Variants in SNX18 observed in about 807,000 individuals in gnomAD.
The protein encoded by SNX18 is sorting nexin-18.
SNX18 carries 35 observed loss-of-function variants against 48.7 expected under a neutral mutation model. The observed-to-expected ratio is 0.72, with a 90% CI of 0.55 to 0.95. The LOEUF (loss-of-function observed/expected upper bound fraction) is 0.95. SNX18 is among the 40% of genes least tolerant of loss of function. The pLI is 0.00. For missense variants in SNX18, 824 were observed against 871.0 expected (o/e 0.95, Z 0.68); for synonymous variants, 492 against 384.7 (o/e 1.28, Z -3.26).
At chr5:54,639,007 G>C in the SNX18 span, among the ~76,000 whole-genome samples, 1 of 152,170 alleles carries the variant, frequency 6.6e-6, no homozygotes, top group South Asian at 2.1e-4. Context: ...CATTCTATAG[G>C]CCTCACTTTA....
chr5:54,568,833 CTT>C, the SNX18 span, among the ~76,000 whole-genome samples: 39 of 69,532 alleles, frequency 5.6e-4, no homozygotes, highest in African/African-American at 2.2e-3. Context: ...TTCAGTGGTA[CTT>C]TTTTTTTTTT....
rs2112829863 is a variant in SNX18 at position 54,518,007 on chromosome 5, A to G, written c.55A>G (p.Ile19Val). ...CTTCAGGTCGGAGAACCCAGGAGAG[A>G]TCTCGCTGCGAGAGCACGAGGTGCT... ...YDFRSENPGEISLREHEVLSL... is the reference protein window; with the variant it reads ...YDFRSENPGEVSLREHEVLSL... Residue 19 changes from isoleucine (I) to valine (V), a missense_variant, in exon 1 of 2, where the codon ATC becomes GTC. Ile to Val is a conservative substitution (Grantham distance 29). Coordinates refer to ENST00000381410, the MANE Select transcript of SNX18 (RefSeq NM_001102575.2). 1 of 1,546,946 alleles carries G rather than the reference A, an allele frequency of 6.5e-7. No individual in the cohort carries two copies. The highest frequency in any genetic ancestry group is 8.7e-7 in the Non-Finnish European group (1 of 1,148,958).
At position 54,519,395 on chromosome 5, in the gene SNX18, C is replaced by T. The variant is rs1262068817; in HGVS notation, c.1443C>T (p.Asp481=). The T allele has an allele frequency of 5.0e-6, 8 of 1,613,716 alleles. No individual in the cohort carries two copies. Among genetic ancestry groups the T allele is most frequent in the Non-Finnish European group, 5.9e-6 (7 of 1,179,878 alleles). Residue 481 remains aspartate (D), a synonymous_variant, in exon 1 of 2, where the codon GAC becomes GAT. Transcript: ENST00000381410. ...GCCTCAGCCAGGCCTTTGAGCTGGA[C>T]CAGCAGGCCTTCTCGGTGGGCCTGA... ...FRGLSQAFEL[D]QQAFSVGLNQ...
chr5:54,644,017 G>A, the SNX18 span: 1 of 152,218 alleles, frequency 6.6e-6, no homozygotes, highest in African/African-American at 2.4e-5. Context: ...CAAGCAAGAA[G>A]AACAGCACAT....
intron 1 of SNX18, among the ~76,000 whole-genome samples, chr5:54,533,657 A>G (rs1762292362): frequency 6.6e-6 from 1 of 152,182 alleles, no homozygotes; most frequent in South Asian, 2.1e-4. Context: ...GGTGGCAATG[A>G]TTACTTTTAT....
intron 1 of SNX18, among the ~76,000 whole-genome samples, chr5:54,537,362 G>C (rs2111578435): frequency 6.6e-6 from 1 of 152,308 alleles, no homozygotes; most frequent in African/African-American, 2.4e-5. Flanking sequence ...TCTATTTAAT[G>C]TGCACCTGCA....
chr5:54,570,291 C>A, the SNX18 span, among the ~76,000 whole-genome samples: 1 of 151,966 alleles, frequency 6.6e-6, no homozygotes, highest in African/African-American at 2.4e-5. Flanking sequence ...TCCCTTAGAG[C>A]CTTCAGAGGA....
the SNX18 span, among the ~76,000 whole-genome samples, chr5:54,638,989 T>C: frequency 4.6e-5 from 7 of 152,252 alleles, no homozygotes; most frequent in Non-Finnish European, 1.0e-4. Flanking sequence ...TATTATTTAC[T>C]TTTTATTCAT....
chr5:54,570,425 G>A, the SNX18 span, among the ~76,000 whole-genome samples: 17 of 152,150 alleles, frequency 1.1e-4, no homozygotes, highest in South Asian at 6.2e-4. Context: ...AGCCCCAGGA[G>A]GCAAACACGG....
chr5:54,620,520 C>A, the SNX18 span, among the ~76,000 whole-genome samples: 1 of 152,196 alleles, frequency 6.6e-6, no homozygotes, highest in Non-Finnish European at 1.5e-5. Context: ...AGTATTGGAG[C>A]CCATTGATGT....
chr5:54,625,677 T>C, the SNX18 span, among the ~76,000 whole-genome samples: 2 of 152,158 alleles, frequency 1.3e-5, no homozygotes, highest in South Asian at 4.1e-4. Flanking sequence ...CACAAGGGCA[T>C]GGAGACTAGG....
chr5:54,620,370 A>G, the SNX18 span, among the ~76,000 whole-genome samples: 1 of 152,196 alleles, frequency 6.6e-6, no homozygotes, highest in South Asian at 2.1e-4. Flanking sequence ...AGAAGATGTC[A>G]TCTTCAACTG....
chr5:54,620,126 G>A, the SNX18 span, among the ~76,000 whole-genome samples: 19 of 152,022 alleles, frequency 1.2e-4, no homozygotes, highest in African/African-American at 4.4e-4. Flanking sequence ...GTTTTATAAA[G>A]AGCTCTGTCA....
chr5:54,624,153 T>A, the SNX18 span, among the ~76,000 whole-genome samples: 1 of 152,078 alleles, frequency 6.6e-6, no homozygotes, highest in South Asian at 2.1e-4. Flanking sequence ...CCTGGAAAAA[T>A]AACTTAATCA....
chr5:54,614,314 G>A, the SNX18 span, among the ~76,000 whole-genome samples: 2 of 152,186 alleles, frequency 1.3e-5, no homozygotes, highest in Admixed American at 6.5e-5. Flanking sequence ...GATAAGACCA[G>A]CAGGCAGATA....
the SNX18 span, among the ~76,000 whole-genome samples, chr5:54,593,887 T>C: frequency 6.6e-6 from 1 of 152,182 alleles, no homozygotes; most frequent in African/African-American, 2.4e-5. Context: ...CAACTTGAAA[T>C]GGATCATAGA....
At position 54,518,865 on chromosome 5, in the gene SNX18, A is replaced by G. The variant is rs1369199218; in HGVS notation, c.913A>G (p.Thr305Ala). ...YISYKLVPTHTQVPVHRRYKH... is the reference protein window; with the variant it reads ...YISYKLVPTHAQVPVHRRYKH... ...CTCCTACAAGCTGGTGCCCACGCAC[A>G]CGCAGGTGCCGGTGCATCGGCGCTA... Residue 305 changes from threonine (T) to alanine (A), a missense_variant, in exon 1 of 2, where the codon ACG (threonine) becomes GCG (alanine). By Grantham distance (58) the Thr-to-Ala change is moderately conservative. Coordinates refer to ENST00000381410, the MANE Select transcript of SNX18 (RefSeq NM_001102575.2). 2.5e-6 allele frequency: 4 copies of G among 1,613,404 alleles called. No individual in the cohort carries two copies. Among genetic ancestry groups the G allele is most frequent in the South Asian group, 2.2e-5 (2 of 91,024 alleles).
the SNX18 span, among the ~76,000 whole-genome samples, chr5:54,578,397 G>A: frequency 1.1e-4 from 16 of 152,212 alleles, no homozygotes; most frequent in Middle Eastern, 3.4e-3. Context: ...GTTTTCCCCC[G>A]TCCCCAACAC....
rs748325704 is a variant in SNX18 at position 54,519,053 on chromosome 5, A to G, written c.1101A>G (p.Pro367=). ...GGATGAACCACATGGCCAGCCACCC[A>G]GTGCTGGCGCAGTGCGACGTCTTCC... is the stretch of plus-strand genomic sequence containing the variant. The part of the protein sequence containing the change: ...IWWMNHMASH[P]VLAQCDVFQH... Residue 367 remains proline, a synonymous_variant, in exon 1 of 2, where the codon CCA becomes CCG. Transcript: ENST00000381410. 1.1e-5 allele frequency: 17 copies of G among 1,613,720 alleles called. No homozygotes were observed. The highest frequency in any genetic ancestry group is 2.2e-5 in the South Asian group (2 of 91,054).
Sources: gnomAD v4.1 joint callset for allele counts (sites outside exome capture counted in the v4.1 genomes callset) on GRCh38, gnomAD v4.1.1 for gene constraint, MANE v1.5 for transcripts, NCBI Gene and HGNC (gene_info 2026-07-23, HGNC 2026-07-21) for gene names.